The following DPY19L4 variants were observed in gnomAD, a reference collection of about 807,000 sequenced individuals.
DPY19L4 encodes probable C-mannosyltransferase DPY19L4.
A neutral mutation model predicts 102.8 loss-of-function variants in DPY19L4; 97 were observed. The observed-to-expected ratio is 0.94, with a 90% confidence interval of 0.80 to 1.12. The LOEUF is 1.12. Among genes scored for constraint, DPY19L4 ranks in the 50% most tolerant of loss-of-function variants. The pLI is 0.00. For missense variants in DPY19L4, 815 were observed against 850.4 expected, an observed-to-expected ratio of 0.96 and a Z score of 0.52; for synonymous variants, 252 against 283.1, an observed-to-expected ratio of 0.89 and a Z score of 1.10.
At chr8:94,779,668 G>A (rs993940953) in intron 14 of DPY19L4, among the ~76,000 whole-genome samples, 3 of 152,072 alleles carry the variant, frequency 2.0e-5, no homozygotes, top group African/African-American at 7.2e-5. Flanking sequence ...TTGATTAATA[G>A]TATGCCAGAT....
intron 6 of DPY19L4, among the ~76,000 whole-genome samples, chr8:94,754,774 A>G (rs1812086330): frequency 6.6e-6 from 1 of 152,200 alleles, no homozygotes; most frequent in Non-Finnish European, 1.5e-5. Context: ...AGGAAGCTAC[A>G]AAGACATTCC....
chr8:94,720,703 C>T (rs1007915637), intron 1 of DPY19L4, among the ~76,000 whole-genome samples: 28 of 152,190 alleles, frequency 1.8e-4, no homozygotes, highest in African/African-American at 6.5e-4. Flanking sequence ...ATTCATTCAG[C>T]AGTATTTTAT....
chr8:94,755,637 G>C (rs140869521), intron 6 of DPY19L4, among the ~76,000 whole-genome samples: 2 of 152,102 alleles, frequency 1.3e-5, no homozygotes, highest in East Asian at 3.9e-4. Flanking sequence ...GCTCATGCCT[G>C]TAATCCCAGC....
intron 11 of DPY19L4, among the ~76,000 whole-genome samples, chr8:94,767,059 C>T (rs1012222382): frequency 1.4e-5 from 2 of 147,584 alleles, no homozygotes; most frequent in Non-Finnish European, 3.0e-5. Context: ...AACGGTGAGA[C>T]CCTGTCTAAA....
chr8:94,776,158 G>C (rs191700367), intron 13 of DPY19L4, among the ~76,000 whole-genome samples: 2,659 of 149,498 alleles, frequency 0.018, 68 homozygotes, highest in African/African-American at 0.056. Context: ...TCAGCCTCCC[G>C]AGTAGCTGGG....
intron 11 of DPY19L4, 133 bp downstream of exon 11, chr8:94,766,818 G>A: frequency 2.8e-6 from 2 of 711,542 alleles, no homozygotes; most frequent in Non-Finnish European, 4.6e-6. Flanking sequence ...TGGGTGGATT[G>A]TGACCACTTG....
intron 12 of DPY19L4, among the ~76,000 whole-genome samples, chr8:94,769,699 A>G (rs1563606421): frequency 6.7e-6 from 1 of 148,934 alleles, no homozygotes. Context: ...AAAGAAAAAG[A>G]AAAAAAAAAG....
chr8:94,781,075 G>A lies in DPY19L4; in HGVS notation c.1633-9G>A, dbSNP rs761521154. On this transcript the variant is annotated splice_polypyrimidine_tract_variant and intron_variant, in intron 15 of 18. Transcript: ENST00000414645. ...TTGGGGATTTTTTTTTTTTTTTTTT[G>A]CATTTTAGTTTTTTCCCAGATTAAT... 17 of 911,678 alleles carry A rather than the reference G, an allele frequency of 1.9e-5. No homozygotes were observed. Among genetic ancestry groups the A allele is most frequent in the Non-Finnish European group, 2.2e-5 (16 of 731,106 alleles). The allele number at this position is 911,678 out of a possible 1,614,324, so 56.5% of individuals were successfully genotyped here. A position where few individuals can be genotyped will look rare whatever the true frequency, so the allele number is the denominator to read the frequency against.
In DPY19L4 at chr8:94,726,345, C is replaced by G. The variant is rs1810687838; in HGVS notation, c.31C>G (p.Leu11Val). 3.7e-6 allele frequency: 6 copies of G among 1,609,284 alleles called. No individual in the cohort carries two copies. The highest frequency in any genetic ancestry group is 5.1e-6 in the Non-Finnish European group (6 of 1,178,856). ...AATATTTTAAGGACCACCTGTAGAG[C>G]TGCGCCAAAGAAAAAAGCCAAAGTC... Reference protein sequence around the residue: MAEEEGPPVELRQRKKPKSSE... With the variant: MAEEEGPPVEVRQRKKPKSSE... Residue 11 changes from leucine (L) to valine (V), a missense_variant, in exon 2 of 19, where the codon CTG becomes GTG. By Grantham distance (32) the Leu-to-Val change is conservative (BLOSUM62 1). Transcript: ENST00000414645.
intron 7 of DPY19L4, 38 bp from the exon 8 acceptor site, chr8:94,761,662 G>T: frequency 6.5e-7 from 1 of 1,540,982 alleles, no homozygotes; most frequent in East Asian, 2.3e-5. Flanking sequence ...TTGTAATAAA[G>T]TTATTGATAT....
At position 94,785,337 on chromosome 8, in the gene DPY19L4, G is replaced by GA. The variant is rs1361406865; in HGVS notation, c.1848+1536dup. Among the ~76,000 whole-genome samples, 8 of 152,146 alleles carry GA rather than the reference G, an allele frequency of 5.3e-5. No homozygotes were observed. In the East Asian group the frequency reaches 1.5e-3, roughly 29 times the overall value. On this transcript the variant is annotated intron_variant, in intron 17 of 18. Coordinates refer to ENST00000414645, the MANE Select transcript of DPY19L4 (RefSeq NM_181787.3). ...ATAGACACACACAAGGTACAAAGAG[G>GA]AGTAAAAAAGCAGGAACAATCGAAC... is the stretch of plus-strand genomic sequence containing the variant.
At chr8:94,775,094 T>C (rs146380964) in intron 13 of DPY19L4, among the ~76,000 whole-genome samples, 4 of 152,272 alleles carry the variant, frequency 2.6e-5, no homozygotes, top group East Asian at 1.9e-4. Context: ...AAATGCATAT[T>C]GTGAAAAAAC....
intron 1 of DPY19L4, among the ~76,000 whole-genome samples, chr8:94,722,367 A>T (rs1361334211): frequency 6.6e-6 from 1 of 152,130 alleles, no homozygotes; most frequent in African/African-American, 2.4e-5. Context: ...AGATCGCCCC[A>T]CTGCACTCCA....
intron 6 of DPY19L4, among the ~76,000 whole-genome samples, chr8:94,753,197 T>C (rs1812022497): frequency 6.6e-6 from 1 of 152,144 alleles, no homozygotes; most frequent in Non-Finnish European, 1.5e-5. Flanking sequence ...TAATATTTCT[T>C]TAACAAACAT....
chr8:94,769,461 C>T (rs1812826817), intron 12 of DPY19L4, among the ~76,000 whole-genome samples: 1 of 152,150 alleles, frequency 6.6e-6, no homozygotes, highest in Non-Finnish European at 1.5e-5. Flanking sequence ...TAAACTTTTA[C>T]AGACTGATTC....
At chr8:94,729,634 C>A (rs1810852948) in intron 2 of DPY19L4, among the ~76,000 whole-genome samples, 1 of 116,246 alleles carries the variant, frequency 8.6e-6, no homozygotes, top group African/African-American at 3.5e-5. Flanking sequence ...TAAGCCTAGG[C>A]AATACAGTGA....
chr8:94,729,373 A>G (rs930477356), intron 2 of DPY19L4, among the ~76,000 whole-genome samples: 7 of 151,350 alleles, frequency 4.6e-5, no homozygotes, highest in African/African-American at 1.7e-4. Flanking sequence ...CTCCGTCTTA[A>G]AACACACACA....
intron 6 of DPY19L4, among the ~76,000 whole-genome samples, chr8:94,747,725 AT>A (rs556519348): frequency 2.0e-5 from 3 of 151,298 alleles, no homozygotes; most frequent in African/African-American, 4.9e-5. Context: ...TGCCTGGCTA[AT>A]TTTTTTTGTA....
intron 6 of DPY19L4, among the ~76,000 whole-genome samples, chr8:94,751,625 G>A (rs1013146000): frequency 6.6e-6 from 1 of 152,012 alleles, no homozygotes; most frequent in African/African-American, 2.4e-5. Flanking sequence ...AAGTAGCTGC[G>A]ATTACAGGTG....
Sources: gnomAD v4.1 joint callset for allele counts (sites outside exome capture counted in the v4.1 genomes callset) on GRCh38, gnomAD v4.1.1 for gene constraint, MANE v1.5 for transcripts, NCBI Gene and HGNC (gene_info 2026-07-23, HGNC 2026-07-21) for gene names.